The following GPATCH2 variants were observed in gnomAD, a reference collection of about 807,000 sequenced individuals.
GPATCH2 encodes the protein G patch domain-containing protein 2.
Under a neutral mutation model 58.0 loss-of-function variants are expected in GPATCH2, and 51 were observed. The ratio of observed to expected loss-of-function variants is 0.88; its 90% CI spans 0.70 to 1.11. GPATCH2 has a LOEUF of 1.11. GPATCH2 is among the 50% of genes most tolerant of loss of function. GPATCH2 has a pLI of 0.00. For missense variants in GPATCH2, 625 were observed against 652.2 expected, an observed-to-expected ratio of 0.96 and a Z score of 0.45; for synonymous variants, 222 against 218.5, an observed-to-expected ratio of 1.02 and a Z score of -0.14.
intron 5 of GPATCH2, among the ~76,000 whole-genome samples, chr1:217,604,097 T>A (rs188554895): frequency 2.6e-4 from 40 of 152,190 alleles, no homozygotes; most frequent in Non-Finnish European, 4.4e-5. Flanking sequence ...ACGACTGTAA[T>A]CCTAGTACTT....
chr1:217,563,228 A>G (rs934152365), intron 5 of GPATCH2, among the ~76,000 whole-genome samples: 1 of 152,196 alleles, frequency 6.6e-6, no homozygotes, highest in African/African-American at 2.4e-5. Context: ...GTAGTTATAC[A>G]GCCACTATTA....
At chr1:217,528,079 T>C (rs1381853546) in intron 5 of GPATCH2, among the ~76,000 whole-genome samples, 3 of 152,124 alleles carry the variant, frequency 2.0e-5, no homozygotes, top group African/African-American at 7.2e-5. Context: ...ACTGTATGCA[T>C]AAACAAGTTA....
intron 8 of GPATCH2, among the ~76,000 whole-genome samples, chr1:217,474,133 TGG>T (rs1660863320): frequency 6.6e-6 from 1 of 152,096 alleles, no homozygotes; most frequent in African/African-American, 2.4e-5. Flanking sequence ...GCACTGCTTA[TGG>T]TAACTGATGC....
intron 5 of GPATCH2, among the ~76,000 whole-genome samples, chr1:217,594,597 T>G (rs1268447015): frequency 1.3e-5 from 2 of 152,160 alleles, no homozygotes; most frequent in Non-Finnish European, 2.9e-5. Flanking sequence ...GAGTAAAGTC[T>G]GTAATTCACT....
At chr1:217,572,155 G>A (rs986268059) in intron 5 of GPATCH2, among the ~76,000 whole-genome samples, 6 of 152,122 alleles carry the variant, frequency 3.9e-5, no homozygotes, top group African/African-American at 1.4e-4. Context: ...CTAATATCCT[G>A]ATACCTATCT....
chr1:217,451,378 CAAAT>C (rs1315915945), intron 8 of GPATCH2, among the ~76,000 whole-genome samples: 1 of 152,150 alleles, frequency 6.6e-6, no homozygotes, highest in Admixed American at 6.5e-5. Context: ...TACAGAAACA[CAAAT>C]AAATTCTGTC....
chr1:217,448,933 T>G (rs546785584), intron 9 of GPATCH2, among the ~76,000 whole-genome samples: 81 of 152,342 alleles, frequency 5.3e-4, no homozygotes, highest in African/African-American at 1.9e-3. Flanking sequence ...TCATTTCATC[T>G]ATTTATGCCT....
intron 5 of GPATCH2, among the ~76,000 whole-genome samples, chr1:217,524,753 C>T (rs548946299): frequency 1.3e-5 from 2 of 148,470 alleles, no homozygotes; most frequent in East Asian, 2.1e-4. Context: ...TGCAGGCACT[C>T]GGCAGGCTTA....
chr1:217,477,737 T>A (rs774248633), intron 8 of GPATCH2, among the ~76,000 whole-genome samples: 1 of 152,116 alleles, frequency 6.6e-6, no homozygotes, highest in Non-Finnish European at 1.5e-5. Flanking sequence ...CAGTGGAGTA[T>A]AACAGAACAC....
At chr1:217,482,456 G>A (rs902168575) in intron 8 of GPATCH2, among the ~76,000 whole-genome samples, 1 of 152,116 alleles carries the variant, frequency 6.6e-6, no homozygotes, top group Non-Finnish European at 1.5e-5. Context: ...TGTAGACAGA[G>A]TGTTCTGGCA....
intron 7 of GPATCH2, among the ~76,000 whole-genome samples, chr1:217,497,594 A>G (rs1449395229): frequency 2.0e-5 from 3 of 152,310 alleles, no homozygotes; most frequent in African/African-American, 7.2e-5. Context: ...TTACCATTAA[A>G]GCACAAAGTC....
intron 5 of GPATCH2, among the ~76,000 whole-genome samples, chr1:217,575,979 T>C (rs1198622379): frequency 1.3e-5 from 2 of 152,140 alleles, no homozygotes; most frequent in African/African-American, 2.4e-5. Context: ...TGGGTCCTTT[T>C]ATATACAGAA....
chr1:217,628,775 C>A (rs1452316421), intron 1 of GPATCH2, among the ~76,000 whole-genome samples: 2 of 151,118 alleles, frequency 1.3e-5, no homozygotes, highest in Non-Finnish European at 2.9e-5. Flanking sequence ...AACGTCCACA[C>A]TGGAGAAGTT....
chr1:217,539,206 G>T (rs2102640257), intron 5 of GPATCH2, among the ~76,000 whole-genome samples: 1 of 151,826 alleles, frequency 6.6e-6, no homozygotes, highest in Non-Finnish European at 1.5e-5. Context: ...ATATATTAAG[G>T]CTAATTTCAG....
chr1:217,514,134 A>T (rs1413879998), intron 6 of GPATCH2, among the ~76,000 whole-genome samples: 1 of 145,084 alleles, frequency 6.9e-6, no homozygotes, highest in Admixed American at 7.0e-5. Context: ...GCCCCCCCGC[A>T]AAAAAAGCAA....
intron 8 of GPATCH2, among the ~76,000 whole-genome samples, chr1:217,467,628 C>T (rs1207972935): frequency 1.3e-5 from 2 of 151,198 alleles, no homozygotes; most frequent in African/African-American, 4.9e-5. Context: ...AAATCAATGA[C>T]AGAAAGTATA....
intron 3 of GPATCH2, among the ~76,000 whole-genome samples, chr1:217,611,424 C>T (rs1668626140): frequency 6.6e-6 from 1 of 152,088 alleles, no homozygotes; most frequent in African/African-American, 2.4e-5. Flanking sequence ...ACTCTAAGAA[C>T]TGCCAGCAAC....
At chr1:217,474,266 A>G (rs1213350254) in intron 8 of GPATCH2, among the ~76,000 whole-genome samples, 2 of 152,172 alleles carry the variant, frequency 1.3e-5, no homozygotes. Flanking sequence ...GATGAAGTAG[A>G]ACTTCCTCAT....
intron 8 of GPATCH2, among the ~76,000 whole-genome samples, chr1:217,486,733 C>G (rs1661471543): frequency 6.6e-6 from 1 of 152,150 alleles, no homozygotes; most frequent in African/African-American, 2.4e-5. Context: ...GGTTGTGAGC[C>G]TTAGAGTGGA....
Sources: gnomAD v4.1 joint callset for allele counts (sites outside exome capture counted in the v4.1 genomes callset) on GRCh38, gnomAD v4.1.1 for gene constraint, MANE v1.5 for transcripts, NCBI Gene and HGNC (gene_info 2026-07-23, HGNC 2026-07-21) for gene names.